The following CNTNAP2 variants were observed in gnomAD, a reference collection of about 807,000 sequenced individuals.
CNTNAP2 encodes the protein contactin-associated protein-like 2.
A neutral mutation model predicts 155.2 loss-of-function variants in CNTNAP2; 98 were observed. The ratio of observed to expected loss-of-function variants is 0.63; its 90% CI spans 0.54 to 0.75. The LOEUF (loss-of-function observed/expected upper bound fraction) is 0.75, where lower values mean the gene tolerates loss of function less well. Ranked by LOEUF, CNTNAP2 falls within the 30% of genes least tolerant of loss-of-function variation. The probability of loss-of-function intolerance (pLI) is 0.00; values close to 1 mark genes in which losing one functional copy is unlikely to be tolerated. For missense variants in CNTNAP2, 1,727 were observed against 1,688.1 expected, an observed-to-expected ratio of 1.02 and a Z score of -0.40; for synonymous variants, 651 against 631.2, an observed-to-expected ratio of 1.03 and a Z score of -0.47.
At chr7:147,867,988 T>C (rs1585000761) in intron 13 of CNTNAP2, among the ~76,000 whole-genome samples, 1 of 152,192 alleles carries the variant, frequency 6.6e-6, no homozygotes, top group East Asian at 1.9e-4. Context: ...CTTTGTTCTG[T>C]TGCTGGCAAG....
intron 1 of CNTNAP2, among the ~76,000 whole-genome samples, chr7:146,644,791 ACT>A (rs1427582427): frequency 2.6e-5 from 4 of 152,104 alleles, no homozygotes; most frequent in Admixed American, 1.3e-4. Flanking sequence ...GAAGAAGTTG[ACT>A]CTCTGAATAG....
chr7:146,146,343 T>C lies in CNTNAP2; in HGVS notation c.97+29370T>C, dbSNP rs1470772723. 2.0e-5 allele frequency among the ~76,000 whole-genome samples: 3 copies of C among 152,154 alleles called. No homozygotes were observed. In the East Asian group the frequency reaches 5.8e-4, roughly 29 times the overall value. On this transcript the variant is annotated intron_variant, in intron 1 of 23. Transcript: ENST00000361727. ...TATATAGTGGGATAAACTAAGGCCA[T>C]AGAATATTTATGTCCCCAGCCATAG...
chr7:146,450,439 G>T lies in CNTNAP2; in HGVS notation c.98-323832G>T, dbSNP rs551394181. Among the ~76,000 whole-genome samples the T allele has an allele frequency of 2.0e-5, 3 of 152,286 alleles. No homozygotes were observed. In the South Asian group the frequency reaches 6.2e-4, roughly 32 times the overall value. On this transcript the variant is annotated intron_variant, in intron 1 of 23. Coordinates refer to ENST00000361727, the MANE Select transcript of CNTNAP2 (RefSeq NM_014141.6). ...ATTTACTCATTTTCTGCATTAAGCT[G>T]GTAGCTGGGATGAAATTTCCAAGAA...
chr7:146,946,824 G>A (rs1797186632), intron 3 of CNTNAP2, among the ~76,000 whole-genome samples: 1 of 146,886 alleles, frequency 6.8e-6, no homozygotes, highest in Non-Finnish European at 1.5e-5. Context: ...CTCAAAAACT[G>A]CAATTACTTT....
chr7:146,224,701 G>A (rs927608567), intron 1 of CNTNAP2, among the ~76,000 whole-genome samples: 1 of 152,072 alleles, frequency 6.6e-6, no homozygotes, highest in African/African-American at 2.4e-5. Context: ...CCCGGGAGGC[G>A]GAGCTTGCAG....
intron 3 of CNTNAP2, among the ~76,000 whole-genome samples, chr7:147,005,484 T>C (rs1214202430): frequency 6.6e-6 from 1 of 152,064 alleles, no homozygotes; most frequent in African/African-American, 2.4e-5. Context: ...AAGAAGTTTA[T>C]TAACTTGTAT....
At chr7:146,539,634 T>G (rs1164766845) in intron 1 of CNTNAP2, among the ~76,000 whole-genome samples, 1 of 152,102 alleles carries the variant, frequency 6.6e-6, no homozygotes, top group Non-Finnish European at 1.5e-5. Context: ...TTTAACCTGA[T>G]TTCTATCAAG....
chr7:147,817,031 GC>G (rs1238900732), intron 13 of CNTNAP2, among the ~76,000 whole-genome samples: 2 of 152,102 alleles, frequency 1.3e-5, no homozygotes, highest in Non-Finnish European at 2.9e-5. Context: ...CTTACTTCCA[GC>G]CACCAGGAAA....
intron 8 of CNTNAP2, among the ~76,000 whole-genome samples, chr7:147,274,744 C>T (rs1804855629): frequency 6.6e-6 from 1 of 151,638 alleles, no homozygotes; most frequent in South Asian, 2.1e-4. Context: ...TAAATTCTTT[C>T]CCTAGACCAA....
chr7:146,253,813 T>C (rs1326531091), intron 1 of CNTNAP2, among the ~76,000 whole-genome samples: 1 of 152,012 alleles, frequency 6.6e-6, no homozygotes, highest in Non-Finnish European at 1.5e-5. Context: ...TCCTAGCACA[T>C]TGGGAGGCCA....
At chr7:146,728,121 T>A (rs1379523522) in intron 1 of CNTNAP2, among the ~76,000 whole-genome samples, 1 of 152,096 alleles carries the variant, frequency 6.6e-6, no homozygotes, top group Non-Finnish European at 1.5e-5. Context: ...ACGGAGGACA[T>A]CTTTCTGGGG....
intron 10 of CNTNAP2, among the ~76,000 whole-genome samples, chr7:147,414,969 G>GA (rs899675973): frequency 3.9e-5 from 5 of 129,254 alleles, no homozygotes; most frequent in Admixed American, 7.8e-5. Flanking sequence ...AAAAAGAAAA[G>GA]AAAAAAAAGA....
At chr7:147,444,396 G>A (rs1191758594) in intron 10 of CNTNAP2, among the ~76,000 whole-genome samples, 1 of 152,022 alleles carries the variant, frequency 6.6e-6, no homozygotes. Flanking sequence ...ATGGAAATCA[G>A]TGAAAATATT....
At chr7:148,313,519 C>T (rs1405837709) in intron 21 of CNTNAP2, among the ~76,000 whole-genome samples, 1 of 152,114 alleles carries the variant, frequency 6.6e-6, no homozygotes, top group Non-Finnish European at 1.5e-5. Flanking sequence ...TTGTAGCAAG[C>T]TCCCGGGGGA....
chr7:146,419,422 AT>A (rs1282648943), intron 1 of CNTNAP2, among the ~76,000 whole-genome samples: 1 of 151,964 alleles, frequency 6.6e-6, no homozygotes, highest in Non-Finnish European at 1.5e-5. Flanking sequence ...AGGACAATAA[AT>A]TTTTCTTGTG....
chr7:146,883,377 G>T (rs1053960458), intron 3 of CNTNAP2, among the ~76,000 whole-genome samples: 1 of 152,010 alleles, frequency 6.6e-6, no homozygotes, highest in Non-Finnish European at 1.5e-5. Flanking sequence ...TTAGTTGCTA[G>T]TAGTAATTCT....
At chr7:147,769,992 T>G (rs1451891579) in intron 13 of CNTNAP2, among the ~76,000 whole-genome samples, 1 of 152,228 alleles carries the variant, frequency 6.6e-6, no homozygotes, top group African/African-American at 2.4e-5. Flanking sequence ...TTTTCGTTTA[T>G]TTTTCCTCAA....
At chr7:147,391,271 A>G (rs1445873453) in intron 9 of CNTNAP2, among the ~76,000 whole-genome samples, 1 of 152,132 alleles carries the variant, frequency 6.6e-6, no homozygotes, top group Non-Finnish European at 1.5e-5. Flanking sequence ...GTCATTCTTG[A>G]TTAGAACTCA....
At chr7:147,945,689 T>TTATG (rs1554453048) in intron 14 of CNTNAP2, among the ~76,000 whole-genome samples, 1 of 148,246 alleles carries the variant, frequency 6.7e-6, no homozygotes, top group Non-Finnish European at 1.5e-5. Context: ...ACAAAAGCCT[T>TTATG]TATATATATA....
Sources: gnomAD v4.1 joint callset for allele counts (sites outside exome capture counted in the v4.1 genomes callset) on GRCh38, gnomAD v4.1.1 for gene constraint, MANE v1.5 for transcripts, NCBI Gene and HGNC (gene_info 2026-07-23, HGNC 2026-07-21) for gene names.